The following PNPT1 variants were observed in gnomAD, a reference collection of about 807,000 sequenced individuals.
PNPT1 encodes the protein polyribonucleotide nucleotidyltransferase 1, mitochondrial.
A neutral mutation model predicts 119.5 loss-of-function variants in PNPT1; 53 were observed. The observed-to-expected ratio is 0.44, with a 90% CI of 0.36 to 0.56. The LOEUF (loss-of-function observed/expected upper bound fraction) is 0.56. Among genes scored for constraint, PNPT1 ranks in the 20% least tolerant of loss-of-function variants. The pLI is 0.00. For missense variants in PNPT1, 948 were observed against 938.5 expected, an observed-to-expected ratio of 1.01 and a Z score of -0.13; for synonymous variants, 357 against 322.1, an observed-to-expected ratio of 1.11 and a Z score of -1.16.
chr2:55,654,256 CAAAA>C (rs1376567034), intron 18 of PNPT1, among the ~76,000 whole-genome samples: 2 of 108,858 alleles, frequency 1.8e-5, no homozygotes, highest in Non-Finnish European at 1.8e-5. Context: ...GACTCTGTCT[CAAAA>C]AAAAAAAAAA....
intron 5 of PNPT1, among the ~76,000 whole-genome samples, chr2:55,682,006 G>C (rs1697263772): frequency 6.6e-6 from 1 of 152,136 alleles, no homozygotes; most frequent in Non-Finnish European, 1.5e-5. Flanking sequence ...AGCCAGGCAT[G>C]TTGGCAGGTG....
At chr2:55,669,347 T>A (rs139079977) in intron 11 of PNPT1, among the ~76,000 whole-genome samples, 1 of 152,348 alleles carries the variant, frequency 6.6e-6, no homozygotes, top group African/African-American at 2.4e-5. Flanking sequence ...TTCTACCCTA[T>A]CAATTAATTT....
intron 17 of PNPT1, 58 bp from the exon 18 acceptor site, chr2:55,655,011 G>C: frequency 7.2e-7 from 1 of 1,391,654 alleles, no homozygotes; most frequent in Non-Finnish European, 1.0e-6. Context: ...GTAGAAAAGT[G>C]TTACTATTGG....
At chr2:55,691,878 A>ATATATATATATATATTT (rs1326804958) in intron 1 of PNPT1, among the ~76,000 whole-genome samples, 1 of 33,126 alleles carries the variant, frequency 3.0e-5, no homozygotes, top group South Asian at 1.8e-3. Context: ...ATATATATAT[A>ATATATATATATATATTT]TTTTTTTTTT....
intron 18 of PNPT1, among the ~76,000 whole-genome samples, 160 bp downstream of exon 18, chr2:55,654,740 T>C (rs912781960): frequency 6.6e-6 from 1 of 151,998 alleles, no homozygotes; most frequent in Non-Finnish European, 1.5e-5. Context: ...GGTTAGCATT[T>C]TTTTTTAATC....
chr2:55,686,424 C>T lies in PNPT1; in HGVS notation c.243G>A (p.Met81Ile). Residue 81 changes from methionine (M) to isoleucine (I), a missense_variant, in exon 3 of 28, where the codon ATG becomes ATA. Transcript: ENST00000447944. ...AVVQSGDTAV[M>I]VTAVSKTKPS... Reference sequence around the variant, plus strand: ...GTTTTGTTTTACTGACCGCTGTGACCATTACTGCAGTGTCACCTGACTTAA... The same window carrying T: ...GTTTTGTTTTACTGACCGCTGTGACTATTACTGCAGTGTCACCTGACTTAA... 1.9e-6 allele frequency: 3 copies of T among 1,613,832 alleles called. No individual in the cohort carries two copies. Among genetic ancestry groups the T allele is most frequent in the Non-Finnish European group, 1.7e-6 (2 of 1,179,830 alleles).
intron 14 of PNPT1, 95 bp downstream of exon 14, chr2:55,661,859 TAA>T: frequency 8.5e-7 from 1 of 1,173,354 alleles, no homozygotes; most frequent in Non-Finnish European, 1.1e-6. Flanking sequence ...AAACACAGGT[TAA>T]AAAAAGTAAC....
chr2:55,641,846 C>CTT lies in PNPT1; in HGVS notation c.2070-1143_2070-1142dup, dbSNP rs202103021. On this transcript the variant is annotated intron_variant, in intron 25 of 27. Coordinates refer to ENST00000447944, the MANE Select transcript of PNPT1 (RefSeq NM_033109.5). ...AAAAATGCTTTGAGACTGAAATTGGCTTTTTTTTTTTTTGAGATGGAGTCT... is the reference window on the plus strand; with the variant it reads ...AAAAATGCTTTGAGACTGAAATTGGCTTTTTTTTTTTTTTTGAGATGGAGTCT... Among the ~76,000 whole-genome samples, 67 of 143,126 alleles carry CTT rather than the reference C, an allele frequency of 4.7e-4. 1 individual carries two copies. The highest frequency in any genetic ancestry group is 4.6e-3 in the South Asian group (21 of 4,532). The allele number at this position is 143,126 out of a possible 152,430, so 93.9% of individuals were successfully genotyped here. A position where few individuals can be genotyped will look rare whatever the true frequency, so the allele number is the denominator to read the frequency against.
chr2:55,640,579 G>A (rs1254341854), intron 26 of PNPT1, 48 bp downstream of exon 26: 4 of 1,428,774 alleles, frequency 2.8e-6, no homozygotes, highest in African/African-American at 2.8e-5. Context: ...TCAATACAGT[G>A]TTTCAAGGCA....
At chr2:55,686,793 T>C (rs1226302168) in intron 2 of PNPT1, among the ~76,000 whole-genome samples, 1 of 152,194 alleles carries the variant, frequency 6.6e-6, no homozygotes, top group Non-Finnish European at 1.5e-5. Context: ...CAGAATTTAT[T>C]AACGCATAAA....
intron 11 of PNPT1, 71 bp downstream of exon 11, chr2:55,671,248 G>T: frequency 1.4e-6 from 1 of 740,148 alleles, no homozygotes; most frequent in Non-Finnish European, 2.1e-6. Context: ...ATCCCAAGAA[G>T]CAAGAGTCAG....
At chr2:55,652,767 T>C (rs1353962809) in intron 18 of PNPT1, among the ~76,000 whole-genome samples, 1 of 152,248 alleles carries the variant, frequency 6.6e-6, no homozygotes, top group Non-Finnish European at 1.5e-5. Context: ...GCAAATGCAG[T>C]AATTTCTTCA....
At chr2:55,639,426 C>T (rs1695775338) in intron 26 of PNPT1, among the ~76,000 whole-genome samples, 1 of 152,094 alleles carries the variant, frequency 6.6e-6, no homozygotes, top group Non-Finnish European at 1.5e-5. Context: ...CAATTCACAC[C>T]CCCATCAACA....
intron 9 of PNPT1, among the ~76,000 whole-genome samples, chr2:55,672,646 G>C (rs1382392929): frequency 1.3e-5 from 2 of 152,166 alleles, no homozygotes; most frequent in Non-Finnish European, 2.9e-5. Flanking sequence ...GAGAGATGTG[G>C]TGCTTACCTG....
intron 25 of PNPT1, 36 bp downstream of exon 25, chr2:55,643,122 G>C (rs775528329): frequency 5.3e-5 from 86 of 1,609,172 alleles, no homozygotes; most frequent in Non-Finnish European, 6.7e-5. Flanking sequence ...TCTAAAGAAA[G>C]GAAAATGCTC....
intron 4 of PNPT1, among the ~76,000 whole-genome samples, chr2:55,684,409 A>G (rs954856025): frequency 3.3e-5 from 5 of 152,202 alleles, no homozygotes; most frequent in Non-Finnish European, 5.9e-5. Context: ...GGTTGCAGTG[A>G]GCCGAGATCG....
chr2:55,683,291 A>T (rs553706070), intron 5 of PNPT1, among the ~76,000 whole-genome samples: 1 of 152,298 alleles, frequency 6.6e-6, no homozygotes, highest in South Asian at 2.1e-4. Context: ...CAACTCAAAC[A>T]GACACTGAAT....
At position 55,654,923 on chromosome 2, in the gene PNPT1, C is replaced by T. The variant is rs1318975971; in HGVS notation, c.1472G>A (p.Gly491Glu). ...GSSSMASACGGSLALMDSGVP... is the reference protein window; with the variant it reads ...GSSSMASACGESLALMDSGVP... The stretch of plus-strand genomic sequence containing the variant: ...ACCTGAATCCATTAATGCTAAACTT[C>T]CGCCACATGCAGATGCCATAGAAGA... The change falls in exon 18 of 28, where the codon GGA becomes GAA. Residue 491 changes from glycine to glutamate, a missense_variant. Coordinates refer to ENST00000447944, the MANE Select transcript of PNPT1 (RefSeq NM_033109.5). The T allele has an allele frequency of 1.2e-6, 2 of 1,613,132 alleles. No individual in the cohort carries two copies. The highest frequency in any genetic ancestry group is 1.3e-5 in the African/African-American group (1 of 74,752).
In PNPT1 at chr2:55,667,099, G is replaced by A. The variant is rs370527752; in HGVS notation, c.1074-6C>T. ...TCAAATCCCGACCATCGCACCTATA[G>A]TGATATAGGAAATAAGTACATTAAG... On this transcript the variant is annotated splice_region_variant and splice_polypyrimidine_tract_variant and intron_variant, in intron 12 of 27. Transcript: ENST00000447944. 4 of 1,595,424 alleles carry A rather than the reference G, an allele frequency of 2.5e-6. No individual in the cohort carries two copies. The highest frequency in any genetic ancestry group is 3.4e-6 in the Non-Finnish European group (4 of 1,163,890).
Sources: allele counts gnomAD v4.1 joint callset (sites outside exome capture counted in the v4.1 genomes callset), GRCh38; gene constraint gnomAD v4.1.1; transcripts MANE v1.5; gene names NCBI Gene and HGNC (gene_info 2026-07-23, HGNC 2026-07-21).